Variants in CHM observed in about 807,000 individuals in gnomAD.
The protein encoded by CHM is CHM Rab escort protein.
Under a neutral mutation model 49.0 loss-of-function variants are expected in CHM, and 10 were observed. The observed-to-expected ratio is 0.20, with a 90% confidence interval of 0.13 to 0.35. The LOEUF is 0.35. Among genes scored for constraint, CHM ranks in the 10% least tolerant of loss-of-function variants. The pLI, the probability that CHM is intolerant of heterozygous loss-of-function variation, is 1.00. For missense variants in CHM, 455 were observed against 478.4 expected (o/e 0.95, Z 0.46); for synonymous variants, 184 against 167.5 (o/e 1.10, Z -0.76).
At chrX:85,941,985 C>T (rs1929134042) in intron 8 of CHM, among the ~76,000 whole-genome samples, 1 of 111,392 alleles carries the variant, frequency 9.0e-6, no homozygotes, top group South Asian at 3.8e-4. Flanking sequence ...TTTTAATCCT[C>T]ACAACCTATG....
At position 85,865,254 on chromosome X, in the gene CHM, G is replaced by A. The variant is rs746466689; in HGVS notation, c.1771-433C>T. Among the ~76,000 whole-genome samples the A allele has an allele frequency of 3.9e-4, 43 of 111,470 alleles. No individual in the cohort carries two copies. The South Asian group carries it at 4.2e-3, about 11-fold the overall frequency. ...TAGGGGGTGACTAGATTATGGGGGC[G>A]GCTGTTCCCATGTTGTTCTTGTGAT... On this transcript the variant is annotated intron_variant, in intron 14 of 14. Coordinates refer to ENST00000357749, the MANE Select transcript of CHM (RefSeq NM_000390.4).
intron 4 of CHM, among the ~76,000 whole-genome samples, chrX:85,967,731 T>A (rs12859892): frequency 3.6e-5 from 4 of 111,132 alleles, no homozygotes; most frequent in African/African-American, 6.5e-5. Context: ...GTAACAATAT[T>A]TTTTAGATAA....
At chrX:86,035,157 G>C (rs1035653993) in intron 1 of CHM, among the ~76,000 whole-genome samples, 6 of 112,102 alleles carry the variant, frequency 5.4e-5, no homozygotes, top group African/African-American at 1.6e-4. Flanking sequence ...AAAACAGTTC[G>C]AATAGTTTTA....
chrX:85,897,518 C>G (rs75722568), intron 11 of CHM, among the ~76,000 whole-genome samples: 7 of 109,463 alleles, frequency 6.4e-5, no homozygotes, highest in East Asian at 5.8e-4. Flanking sequence ...GAAGTACACA[C>G]GTGGTGGTGG....
intron 2 of CHM, among the ~76,000 whole-genome samples, chrX:85,996,803 T>C (rs1277090575): frequency 8.9e-6 from 1 of 111,796 alleles, no homozygotes; most frequent in Non-Finnish European, 1.9e-5. Flanking sequence ...TATGTAAAAA[T>C]GCAGATTCAC....
At chrX:85,961,845 G>A (rs1930313391) in intron 5 of CHM, among the ~76,000 whole-genome samples, 1 of 110,960 alleles carries the variant, frequency 9.0e-6, no homozygotes, top group African/African-American at 3.3e-5. Flanking sequence ...CATTCAAACC[G>A]ATGAAAATAC....
intron 9 of CHM, 114 bp downstream of exon 9, chrX:85,911,147 A>ATG (rs1926925053): frequency 1.2e-4 from 2 of 17,141 alleles, no homozygotes; most frequent in African/African-American, 7.4e-4. Context: ...ATATATATAT[A>ATG]TATATATATA....
At chrX:85,957,769 TA>T (rs1930077679) in intron 7 of CHM, 85 bp downstream of exon 7, 19 of 1,111,585 alleles carry the variant, frequency 1.7e-5, no homozygotes, top group African/African-American at 1.9e-5. Context: ...AAAACAGTAA[TA>T]AGTGGCTCAC....
chrX:85,868,912 T>C (rs1403357137), intron 14 of CHM, among the ~76,000 whole-genome samples: 1 of 112,129 alleles, frequency 8.9e-6, no homozygotes, highest in Admixed American at 9.4e-5. Flanking sequence ...CTAGCCTCCA[T>C]CTCTCAGACT....
At chrX:86,020,517 T>A (rs919720247) in intron 2 of CHM, among the ~76,000 whole-genome samples, 2 of 107,188 alleles carry the variant, frequency 1.9e-5, no homozygotes, top group Admixed American at 1.0e-4. Context: ...TATATATACA[T>A]AGCAAATATT....
chrX:85,910,665 A>G (rs1259635082), intron 9 of CHM, among the ~76,000 whole-genome samples: 1 of 111,747 alleles, frequency 8.9e-6, no homozygotes, highest in African/African-American at 3.2e-5. Context: ...TTATCCTTAG[A>G]TAAGAGGGCA....
intron 8 of CHM, among the ~76,000 whole-genome samples, chrX:85,931,962 T>C (rs192400111): frequency 8.9e-6 from 1 of 112,358 alleles, no homozygotes; most frequent in East Asian, 2.8e-4. Context: ...ACTAGCTTGA[T>C]TTCTGATAGT....
chrX:86,001,925 A>G (rs1932745974), intron 2 of CHM, among the ~76,000 whole-genome samples: 1 of 111,227 alleles, frequency 9.0e-6, no homozygotes, highest in African/African-American at 3.3e-5. Context: ...AGCCAGCCCC[A>G]TGGTGTAATG....
intron 2 of CHM, among the ~76,000 whole-genome samples, chrX:86,014,293 T>A (rs1933199212): frequency 9.1e-6 from 1 of 110,306 alleles, no homozygotes; most frequent in South Asian, 3.9e-4. Context: ...GCATAAAATA[T>A]CTGATTTCAA....
At chrX:86,013,232 C>T (rs1933150491) in intron 2 of CHM, among the ~76,000 whole-genome samples, 1 of 110,981 alleles carries the variant, frequency 9.0e-6, no homozygotes, top group Non-Finnish European at 1.9e-5. Flanking sequence ...CTCATTCTTC[C>T]TGAACACAGG....
chrX:85,958,122 G>A, intron 6 of CHM, 147 bp from the exon 7 acceptor site: 1 of 670,605 alleles, frequency 1.5e-6, no homozygotes, highest in South Asian at 2.9e-5. Context: ...CAGTACTAAT[G>A]GCATCTCTGC....
rs1402293637 is a variant in CHM, at chrX:85,864,300, G to A, written c.*330C>T. 1 of 193,601 alleles carries A rather than the reference G, an allele frequency of 5.2e-6. No individual in the cohort carries two copies. The highest frequency in any genetic ancestry group is 9.5e-6 in the Non-Finnish European group (1 of 105,607). 16.0% of individuals were successfully genotyped at this position (193,601 alleles called of 1,213,427 possible). A position where few individuals can be genotyped will look rare whatever the true frequency, so the allele number is the denominator to read the frequency against. ...TTCAAACAAAGATCCAAAGTGGTAA[G>A]CAAAATTGTCCTAAGACCATGGAAT... On this transcript the variant is annotated 3_prime_UTR_variant, in exon 15 of 15. Transcript: ENST00000357749.
intron 1 of CHM, among the ~76,000 whole-genome samples, chrX:86,034,197 G>A (rs1934146915): frequency 9.0e-6 from 1 of 111,487 alleles, no homozygotes; most frequent in African/African-American, 3.3e-5. Context: ...GTGACCCAAA[G>A]GTTTGTTTCA....
intron 4 of CHM, 26 bp from the exon 5 acceptor site, chrX:85,964,078 C>T: frequency 8.5e-7 from 1 of 1,183,354 alleles, no homozygotes. Context: ...ATAATAAACA[C>T]CAGGCTTTAT....
Sources: gnomAD v4.1 joint callset for allele counts (sites outside exome capture counted in the v4.1 genomes callset) on GRCh38, gnomAD v4.1.1 for gene constraint, MANE v1.5 for transcripts, NCBI Gene and HGNC (gene_info 2026-07-23, HGNC 2026-07-21) for gene names.